Variants in ESRRB observed in about 807,000 individuals in gnomAD.
ESRRB encodes estrogen related receptor beta.
Under a neutral mutation model 46.0 loss-of-function variants are expected in ESRRB, and 16 were observed. That is an observed-to-expected ratio of 0.35 (90% CI 0.24 to 0.53). The LOEUF is 0.53. Among genes scored for constraint, ESRRB ranks in the 20% least tolerant of loss-of-function variants. The pLI is 0.93. For synonymous variants in ESRRB, 246 were observed against 259.6 expected, an observed-to-expected ratio of 0.95 and a Z score of 0.50; for missense variants, 488 against 607.4, an observed-to-expected ratio of 0.80 and a Z score of 2.07.
intron 1 of ESRRB, among the ~76,000 whole-genome samples, chr14:76,384,273 G>A (rs897427070): frequency 3.3e-5 from 5 of 152,116 alleles, no homozygotes; most frequent in African/African-American, 7.2e-5. Context: ...AGAAATAGTA[G>A]CAATTTTAAT....
At chr14:76,325,603 A>C (rs1300596040) in intron 1 of ESRRB, among the ~76,000 whole-genome samples, 1 of 152,180 alleles carries the variant, frequency 6.6e-6, no homozygotes, top group African/African-American at 2.4e-5. Context: ...CTCAGGGAAC[A>C]GAGGTACAAA....
intron 1 of ESRRB, among the ~76,000 whole-genome samples, chr14:76,412,986 C>T (rs570096124): frequency 3.9e-4 from 60 of 152,228 alleles, no homozygotes; most frequent in African/African-American, 1.4e-3. Context: ...GGGATGGTGG[C>T]TTGTGCCTTT....
intron 1 of ESRRB, among the ~76,000 whole-genome samples, chr14:76,355,872 A>C (rs1291322179): frequency 6.6e-6 from 1 of 152,086 alleles, no homozygotes; most frequent in Non-Finnish European, 1.5e-5. Context: ...AGGCATGGTG[A>C]ATAGTATTCT....
At chr14:76,474,339 T>A (rs1326617718) in intron 3 of ESRRB, among the ~76,000 whole-genome samples, 1 of 152,278 alleles carries the variant, frequency 6.6e-6, no homozygotes, top group Non-Finnish European at 1.5e-5. Flanking sequence ...TATTTTATGT[T>A]GTTAATTCCA....
intron 1 of ESRRB, among the ~76,000 whole-genome samples, chr14:76,360,069 A>G (rs1312931016): frequency 6.6e-6 from 1 of 152,056 alleles, no homozygotes; most frequent in Admixed American, 6.5e-5. Context: ...CTAGTTTTCA[A>G]TTGCCCAAGT....
At chr14:76,401,643 A>G (rs189045573) in intron 1 of ESRRB, among the ~76,000 whole-genome samples, 36 of 152,250 alleles carry the variant, frequency 2.4e-4, no homozygotes, top group Non-Finnish European at 3.4e-4. Context: ...ACAATTACCT[A>G]CAGTATTTAG....
intron 1 of ESRRB, among the ~76,000 whole-genome samples, chr14:76,357,502 T>C (rs1034551130): frequency 2.0e-5 from 3 of 152,192 alleles, no homozygotes; most frequent in Non-Finnish European, 4.4e-5. Flanking sequence ...CTTTCTTTTA[T>C]GTATGTATAT....
intron 2 of ESRRB, among the ~76,000 whole-genome samples, chr14:76,455,911 G>C (rs1266133756): frequency 6.6e-6 from 1 of 151,966 alleles, no homozygotes; most frequent in African/African-American, 2.4e-5. Context: ...GGGCTTGGTG[G>C]TGCACGCCTG....
At chr14:76,411,590 T>G (rs1886445168) in intron 1 of ESRRB, among the ~76,000 whole-genome samples, 1 of 152,138 alleles carries the variant, frequency 6.6e-6, no homozygotes, top group African/African-American at 2.4e-5. Context: ...TCTGCCCACT[T>G]CCTACTAGAC....
chr14:76,410,638 T>C (rs1243491151), intron 1 of ESRRB, among the ~76,000 whole-genome samples: 1 of 152,146 alleles, frequency 6.6e-6, no homozygotes, highest in Non-Finnish European at 1.5e-5. Flanking sequence ...AATGATCTGG[T>C]GGTCTGGCTT....
At chr14:76,453,159 T>C (rs1033513932) in intron 2 of ESRRB, among the ~76,000 whole-genome samples, 5 of 152,306 alleles carry the variant, frequency 3.3e-5, no homozygotes, top group Middle Eastern at 3.4e-3. Flanking sequence ...GAAAGCTCTT[T>C]AGAAGGAGAA....
chr14:76,500,235 A>T lies in ESRRB; in HGVS notation c.*1777A>T. On this transcript the variant is annotated 3_prime_UTR_variant, in exon 7 of 7. Transcript: ENST00000644823. ...CAGAGCAGCTCTCTGATGGTGTCCC[A>T]CACAGAAAATGTTAAGGATTTCAAG... The T allele has an allele frequency of 1.6e-6, 1 of 623,474 alleles. No individual in the cohort carries two copies. The highest frequency in any genetic ancestry group is 2.0e-5 in the South Asian group (1 of 50,076). 38.6% of individuals were successfully genotyped at this position (623,474 alleles called of 1,614,324 possible).
rs141480922 is a variant in ESRRB, at chr14:76,434,928, C to T, written c.51-4413C>T. ...GGCTCTGAGCTCCGGCCTTTTCCTT[C>T]TCCCAGGACTCAAGTGAATGGGACA... On this transcript the variant is annotated intron_variant, in intron 1 of 6. Transcript: ENST00000644823. Among the ~76,000 whole-genome samples the T allele has an allele frequency of 3.2e-3, 480 of 152,294 alleles. 6 individuals are homozygous for T. Among genetic ancestry groups the T allele is most frequent in the African/African-American group, 0.011 (460 of 41,560 alleles).
At chr14:76,338,550 T>A (rs1186136138) in intron 1 of ESRRB, among the ~76,000 whole-genome samples, 1 of 152,254 alleles carries the variant, frequency 6.6e-6, no homozygotes, top group Non-Finnish European at 1.5e-5. Flanking sequence ...GGGTATGAAA[T>A]TGTGGCATAT....
At chr14:76,434,657 C>CT in intron 1 of ESRRB, among the ~76,000 whole-genome samples, 1 of 120,964 alleles carries the variant, frequency 8.3e-6, no homozygotes, top group Non-Finnish European at 1.7e-5. Context: ...CAGACTCTGT[C>CT]TCAAAAAAAA....
intron 3 of ESRRB, among the ~76,000 whole-genome samples, chr14:76,468,406 C>A (rs928471724): frequency 1.2e-4 from 13 of 108,560 alleles, no homozygotes; most frequent in African/African-American, 3.8e-4. Context: ...CCCCCAACAC[C>A]ACCACCCCCC....
At chr14:76,393,967 A>ATTTTT (rs71122531) in intron 1 of ESRRB, among the ~76,000 whole-genome samples, 10,778 of 126,326 alleles carry the variant, frequency 0.085, 570 homozygotes, top group Middle Eastern at 0.14. Context: ...TGCCTGGCTA[A>ATTTTT]TTTTTTTTTT....
intron 1 of ESRRB, among the ~76,000 whole-genome samples, chr14:76,332,608 T>A (rs59076721): frequency 0.026 from 1,135 of 44,288 alleles, 72 homozygotes; most frequent in African/African-American, 0.12. Context: ...TATTATATAT[T>A]TATATATTAT....
upstream of ESRRB, among the ~76,000 whole-genome samples, chr14:76,370,679 C>G (rs1344882796): frequency 1.3e-5 from 2 of 152,130 alleles, no homozygotes; most frequent in African/African-American, 4.8e-5. Context: ...CTCTTTTTCT[C>G]CCTTAGAAAT....
Sources: allele counts gnomAD v4.1 joint callset (sites outside exome capture counted in the v4.1 genomes callset), GRCh38; gene constraint gnomAD v4.1.1; transcripts MANE v1.5; gene names NCBI Gene and HGNC (gene_info 2026-07-23, HGNC 2026-07-21).